The following RASA4 variants were observed in gnomAD, a reference collection of about 807,000 sequenced individuals.
The protein encoded by RASA4 is ras GTPase-activating protein 4.
In RASA4, 5 loss-of-function variants were observed where a neutral mutation model predicts 24.0. The ratio of observed to expected loss-of-function variants is 0.21; its 90% CI spans 0.11 to 0.44. RASA4 has a LOEUF of 0.44. RASA4 is among the 20% of genes least tolerant of loss of function. The pLI is 0.99. For synonymous variants in RASA4, 9 were observed against 132.7 expected (o/e 0.07, Z 6.41); for missense variants, 38 against 293.0 (o/e 0.13, Z 6.35).
Position 102,580,102 on chromosome 7 carries a change from A to G in RASA4, c.*2669T>C, listed in dbSNP as rs1166342596. ...CCAGCCAAGTGCAGTATCTTATCAC[A>G]CCTTTAAAAATTAATAATTCCAATC... On this transcript the variant is annotated 3_prime_UTR_variant, in exon 21 of 21. Transcript: ENST00000262940. 1 of 328,148 alleles carries G rather than the reference A, an allele frequency of 3.0e-6. No homozygotes were observed. The highest frequency in any genetic ancestry group is 4.7e-5 in the Admixed American group (1 of 21,288). The allele number at this position is 328,148 out of a possible 1,614,324, so 20.3% of individuals were successfully genotyped here. A position where few individuals can be genotyped will look rare whatever the true frequency, so the allele number is the denominator to read the frequency against.
intron 8 of RASA4, 103 bp from the exon 9 acceptor site, chr7:102,596,232 C>G (rs1790219212): frequency 1.5e-6 from 2 of 1,294,138 alleles, no homozygotes; most frequent in Non-Finnish European, 2.2e-6. Flanking sequence ...GGCTTCCCAT[C>G]TCTCTGCTCA....
Position 102,595,994 on chromosome 7 carries a change from C to CA in RASA4, c.855+17_855+18insT. On this transcript the variant is annotated intron_variant, in intron 9 of 20. Transcript: ENST00000262940. ...CCTACTGCCACTGGACCCTCCCACC[C>CA]TGCCCAGGCCCCCTCACCTGCATGC... The CA allele has an allele frequency of 1.2e-6, 1 of 831,082 alleles. No homozygotes were observed. Among genetic ancestry groups the CA allele is most frequent in the Non-Finnish European group, 2.0e-6 (1 of 502,200 alleles). 51.5% of individuals were successfully genotyped at this position (831,082 alleles called of 1,614,324 possible). A position where few individuals can be genotyped will look rare whatever the true frequency, so the allele number is the denominator to read the frequency against.
At chr7:102,591,822 A>C (rs1176369863) in intron 16 of RASA4, among the ~76,000 whole-genome samples, 1 of 145,562 alleles carries the variant, frequency 6.9e-6, no homozygotes, top group Non-Finnish European at 1.5e-5. Context: ...GGTCGGATCA[A>C]CTTCCTCCAT....
intron 8 of RASA4, among the ~76,000 whole-genome samples, chr7:102,599,659 A>G (rs1482078716): frequency 6.9e-6 from 1 of 145,928 alleles, no homozygotes; most frequent in Non-Finnish European, 1.5e-5. Flanking sequence ...AAATAAATAA[A>G]TAATAAATAA....
In RASA4 at chr7:102,580,053, G is replaced by A. The variant is rs1801463546; in HGVS notation, c.*2718C>T. 1 of 317,396 alleles carries A rather than the reference G, an allele frequency of 3.2e-6. No homozygotes were observed. The highest frequency in any genetic ancestry group is 6.2e-6 in the Non-Finnish European group (1 of 162,094). 19.7% of individuals were successfully genotyped at this position (317,396 alleles called of 1,614,324 possible). A position where few individuals can be genotyped will look rare whatever the true frequency, so the allele number is the denominator to read the frequency against. ...CCACCTCAGCCTGCCAAGTAGCTGG[G>A]ATTACAGGCATGTGCCACTGTGCCC... On this transcript the variant is annotated 3_prime_UTR_variant, in exon 21 of 21. Transcript: ENST00000262940.
chr7:102,591,885 G>A (rs559754277), intron 16 of RASA4, among the ~76,000 whole-genome samples: 348 of 151,810 alleles, frequency 2.3e-3, no homozygotes, highest in African/African-American at 8.1e-3. Flanking sequence ...CCAGGTTGGA[G>A]TGCAGTGGCA....
intron 16 of RASA4, among the ~76,000 whole-genome samples, chr7:102,590,699 G>C (rs1264549172): frequency 6.9e-6 from 1 of 144,802 alleles, no homozygotes; most frequent in African/African-American, 2.7e-5. Context: ...CCAGCATTTT[G>C]GGAGGCCGAG....
intron 2 of RASA4, among the ~76,000 whole-genome samples, chr7:102,610,585 G>A (rs1489796755): frequency 6.6e-6 from 1 of 151,926 alleles, no homozygotes; most frequent in Admixed American, 6.6e-5. Context: ...GTTAGAGCCA[G>A]GACCAGGGAG....
In RASA4 at chr7:102,580,126, T is replaced by A. The variant is rs1164710943; in HGVS notation, c.*2645A>T. 9.1e-6 allele frequency: 3 copies of A among 328,646 alleles called. No homozygotes were observed. The highest frequency in any genetic ancestry group is 1.8e-5 in the Non-Finnish European group (3 of 168,724). The allele number at this position is 328,646 out of a possible 1,614,324, so 20.4% of individuals were successfully genotyped here. A position where few individuals can be genotyped will look rare whatever the true frequency, so the allele number is the denominator to read the frequency against. On this transcript the variant is annotated 3_prime_UTR_variant, in exon 21 of 21. Coordinates refer to ENST00000262940, the MANE Select transcript of RASA4 (RefSeq NM_006989.6). ...CACCTTTAAAAATTAATAATTCCAA[T>A]CATCCTATAGTTGATCAGTGTTCAA...
At chr7:102,589,103 GGT>G (rs1789867950) in intron 17 of RASA4, among the ~76,000 whole-genome samples, 1 of 2,248 alleles carries the variant, frequency 4.4e-4, no homozygotes, top group Non-Finnish European at 1.7e-3. Context: ...TGGAATCACA[GGT>G]GCATGCCATC....
intron 16 of RASA4, among the ~76,000 whole-genome samples, chr7:102,590,882 G>A (rs1789958854): frequency 7.0e-6 from 1 of 143,104 alleles, no homozygotes; most frequent in African/African-American, 2.7e-5. Flanking sequence ...GGAGGTTGCG[G>A]TGAGCCAAGA....
At chr7:102,603,865 C>CCCA (rs1184093971) in intron 5 of RASA4, among the ~76,000 whole-genome samples, 1 of 80,200 alleles carries the variant, frequency 1.2e-5, no homozygotes, top group Non-Finnish European at 2.8e-5. Flanking sequence ...AAAAAACCAC[C>CCCA]AAAAAAAAAA....
chr7:102,606,395 CAAAAA>C (rs555519087), intron 4 of RASA4, among the ~76,000 whole-genome samples: 2 of 55,500 alleles, frequency 3.6e-5, no homozygotes, highest in East Asian at 8.5e-4. Flanking sequence ...GACCCCATCT[CAAAAA>C]AAAAAAAAAA....
intron 5 of RASA4, among the ~76,000 whole-genome samples, chr7:102,605,131 AC>A (rs1330260475): frequency 7.1e-6 from 1 of 139,880 alleles, no homozygotes; most frequent in Non-Finnish European, 1.6e-5. Flanking sequence ...AACTCTTTTC[AC>A]CCCCCCAGCC....
chr7:102,605,915 AGCC>A lies in RASA4; in HGVS notation c.368_370del (p.Arg123del). On this transcript the variant is annotated inframe_deletion, in exon 5 of 21. Transcript: ENST00000262940. ...GGCCCGGGCCCCTGGCCACACTTCCAGCCGCAGGTGGATCTCGCCCTGCACCTC... is the reference window on the plus strand; with the variant it reads ...GGCCCGGGCCCCTGGCCACACTTCCAGCAGGTGGATCTCGCCCTGCACCTC... 2 of 1,593,722 alleles carry A rather than the reference AGCC, an allele frequency of 1.3e-6. No homozygotes were observed. Among genetic ancestry groups the A allele is most frequent in the Non-Finnish European group, 1.7e-6 (2 of 1,169,684 alleles).
At chr7:102,587,271 T>C (rs1586833408) in intron 18 of RASA4, 1 of 209,564 alleles carries the variant, frequency 4.8e-6, no homozygotes. Context: ...CCCTGGGAGG[T>C]GGAGATTGCA....
rs1300163731 is a variant in RASA4 at position 102,604,954 on chromosome 7, CAG to C, written c.428+902_428+903del. 2.7e-4 allele frequency among the ~76,000 whole-genome samples: 35 copies of C among 127,290 alleles called. No homozygotes were observed. The East Asian group carries it at 7.4e-3, about 27-fold the overall frequency. 83.5% of individuals were successfully genotyped at this position (127,290 alleles called of 152,430 possible). On this transcript the variant is annotated intron_variant, in intron 5 of 20. Transcript: ENST00000262940. Reference sequence around the variant, plus strand: ...CGGAAGGGAAGACGCTTCTCACGGACAGAGTGTGACTCAGACCCAGGCCCAGA... The same window carrying C: ...CGGAAGGGAAGACGCTTCTCACGGACAGTGTGACTCAGACCCAGGCCCAGA...
chr7:102,602,855 A>G (rs866692626), intron 5 of RASA4, among the ~76,000 whole-genome samples: 1,730 of 136,184 alleles, frequency 0.013, 5 homozygotes, highest in African/African-American at 0.047. Context: ...CTGCCCCAGT[A>G]ATGTCGCTCT....
intron 5 of RASA4, among the ~76,000 whole-genome samples, chr7:102,602,843 G>C (rs1270111893): frequency 8.0e-6 from 1 of 125,586 alleles, no homozygotes; most frequent in Non-Finnish European, 1.7e-5. Flanking sequence ...CTTCTGGAAG[G>C]TCTGCCCCAG....
Sources: gnomAD v4.1 joint callset for allele counts (sites outside exome capture counted in the v4.1 genomes callset) on GRCh38, gnomAD v4.1.1 for gene constraint, MANE v1.5 for transcripts, NCBI Gene and HGNC (gene_info 2026-07-23, HGNC 2026-07-21) for gene names.